The following SOX5 variants were observed in gnomAD, a reference collection of about 807,000 sequenced individuals.
SOX5 encodes transcription factor SOX-5.
A neutral mutation model predicts 92.0 loss-of-function variants in SOX5; 9 were observed. The observed-to-expected ratio is 0.10, with a 90% confidence interval of 0.06 to 0.17. SOX5 has a LOEUF of 0.17. Among genes scored for constraint, SOX5 ranks in the 10% least tolerant of loss-of-function variants. The probability of loss-of-function intolerance (pLI) is 1.00; values close to 1 mark genes in which losing one functional copy is unlikely to be tolerated. For synonymous variants in SOX5, 344 were observed against 336.3 expected (o/e 1.02, Z -0.25); for missense variants, 642 against 944.5 (o/e 0.68, Z 4.20).
chr12:23,627,575 G>A (rs566879566), intron 8 of SOX5, among the ~76,000 whole-genome samples: 1 of 152,184 alleles, frequency 6.6e-6, no homozygotes, highest in South Asian at 2.1e-4. Flanking sequence ...ACACTACGCT[G>A]AGTATTTCGT....
chr12:24,320,510 TATC>T (rs772711765), intron 2 of SOX5, among the ~76,000 whole-genome samples: 49 of 152,278 alleles, frequency 3.2e-4, no homozygotes, highest in Non-Finnish European at 6.6e-4. Context: ...TCCTGGAAAA[TATC>T]AGCAGATTTA....
intron 6 of SOX5, among the ~76,000 whole-genome samples, chr12:23,699,969 G>T (rs191001703): frequency 2.0e-5 from 3 of 152,150 alleles, no homozygotes; most frequent in African/African-American, 4.8e-5. Context: ...CATGTGACTT[G>T]CTCTGTTTTA....
At chr12:24,196,478 T>C (rs1392048378) in intron 4 of SOX5, among the ~76,000 whole-genome samples, 3 of 152,160 alleles carry the variant, frequency 2.0e-5, no homozygotes, top group Non-Finnish European at 4.4e-5. Context: ...ATGGAGAAAC[T>C]GGAGTAGCAA....
intron 1 of SOX5, among the ~76,000 whole-genome samples, chr12:24,458,512 C>A (rs1006007730): frequency 6.6e-6 from 1 of 152,124 alleles, no homozygotes; most frequent in Non-Finnish European, 1.5e-5. Flanking sequence ...GATACCCGGC[C>A]ACATTCCACT....
chr12:24,078,217 T>TA (rs1342668299), intron 4 of SOX5, among the ~76,000 whole-genome samples: 4 of 151,988 alleles, frequency 2.6e-5, no homozygotes, highest in African/African-American at 7.2e-5. Flanking sequence ...AAAACAGTTT[T>TA]AAAAAAAGGT....
chr12:23,968,924 T>C (rs1451543969), intron 4 of SOX5, among the ~76,000 whole-genome samples: 1 of 152,200 alleles, frequency 6.6e-6, no homozygotes, highest in Non-Finnish European at 1.5e-5. Context: ...GTTTTGTCTA[T>C]TTGCCAAGAC....
intron 1 of SOX5, among the ~76,000 whole-genome samples, chr12:24,381,417 T>C (rs1024749211): frequency 6.6e-6 from 1 of 152,118 alleles, no homozygotes; most frequent in Non-Finnish European, 1.5e-5. Context: ...TCTGAAAGCA[T>C]AGTACATACA....
chr12:23,703,812 C>G (rs1211160975), intron 6 of SOX5, among the ~76,000 whole-genome samples: 1 of 151,758 alleles, frequency 6.6e-6, no homozygotes, highest in East Asian at 1.9e-4. Context: ...TACTCTTAAG[C>G]ACCTATTGCC....
chr12:24,272,750 T>G (rs1943925234), intron 3 of SOX5, among the ~76,000 whole-genome samples: 1 of 152,218 alleles, frequency 6.6e-6, no homozygotes, highest in Non-Finnish European at 1.5e-5. Flanking sequence ...ATTTTTGTTT[T>G]ATATATTGCC....
At chr12:23,927,015 C>G (rs1940144362) in intron 1 of SOX5, among the ~76,000 whole-genome samples, 1 of 152,072 alleles carries the variant, frequency 6.6e-6, no homozygotes, top group African/African-American at 2.4e-5. Context: ...AAAAGATGAT[C>G]TGCTAATACA....
intron 2 of SOX5, among the ~76,000 whole-genome samples, chr12:24,311,053 T>C (rs1183259068): frequency 6.6e-6 from 1 of 152,146 alleles, no homozygotes; most frequent in East Asian, 1.9e-4. Flanking sequence ...CTAGGAAGCA[T>C]GGTCATAAAA....
intron 8 of SOX5, among the ~76,000 whole-genome samples, chr12:23,624,309 G>A (rs1442432939): frequency 1.3e-5 from 2 of 152,100 alleles, no homozygotes; most frequent in South Asian, 4.1e-4. Flanking sequence ...CCACTGAACT[G>A]TGTACATAAA....
intron 3 of SOX5, among the ~76,000 whole-genome samples, chr12:23,823,565 A>G (rs2096169165): frequency 6.6e-6 from 1 of 151,804 alleles, no homozygotes; most frequent in South Asian, 2.1e-4. Context: ...CTTCATTTCA[A>G]CCTTGATGAA....
chr12:24,474,419 T>TGG (rs1945135810), intron 1 of SOX5, among the ~76,000 whole-genome samples: 1 of 152,228 alleles, frequency 6.6e-6, no homozygotes, highest in African/African-American at 2.4e-5. Flanking sequence ...CCCCCACCGG[T>TGG]GTGATATCAT....
At chr12:24,327,824 C>T (rs1018212894) in intron 2 of SOX5, among the ~76,000 whole-genome samples, 3 of 151,134 alleles carry the variant, frequency 2.0e-5, no homozygotes, top group Admixed American at 6.6e-5. Flanking sequence ...CATCTCCTGA[C>T]CTCGTGATCC....
chr12:23,703,225 T>G (rs1215835239), intron 6 of SOX5, among the ~76,000 whole-genome samples: 2 of 152,046 alleles, frequency 1.3e-5, no homozygotes, highest in African/African-American at 4.8e-5. Flanking sequence ...TAGGGAGTAA[T>G]TAGCTCTGTG....
At chr12:23,705,365 A>T (rs905122207) in intron 6 of SOX5, among the ~76,000 whole-genome samples, 10 of 152,042 alleles carry the variant, frequency 6.6e-5, no homozygotes, top group Admixed American at 5.3e-4. Context: ...TCTACCTGTC[A>T]GCACTAGTGA....
At chr12:24,384,005 CT>C (rs1226124862) in intron 1 of SOX5, among the ~76,000 whole-genome samples, 1 of 152,108 alleles carries the variant, frequency 6.6e-6, no homozygotes, top group Non-Finnish European at 1.5e-5. Context: ...TTATAAGCGG[CT>C]TTTCCCCCTT....
At chr12:24,411,538 G>A (rs1460737465) in intron 1 of SOX5, among the ~76,000 whole-genome samples, 2 of 152,050 alleles carry the variant, frequency 1.3e-5, no homozygotes, top group African/African-American at 4.8e-5. Flanking sequence ...TTTTGTCAGT[G>A]CACTTTTTGC....
Sources: gnomAD v4.1 joint callset for allele counts (sites outside exome capture counted in the v4.1 genomes callset) on GRCh38, gnomAD v4.1.1 for gene constraint, MANE v1.5 for transcripts, NCBI Gene and HGNC (gene_info 2026-07-23, HGNC 2026-07-21) for gene names.